TRDN: variants seen among roughly 807,000 people sequenced by gnomAD.
TRDN encodes the protein triadin, also known as triadin in skeletal muscle.
TRDN carries 161 observed loss-of-function variants against 149.7 expected under a neutral mutation model. That is an observed-to-expected ratio of 1.08 (90% CI 0.95 to 1.23). TRDN has a LOEUF of 1.23. Among genes scored for constraint, TRDN ranks in the 50% most tolerant of loss-of-function variants. The pLI, the probability that TRDN is intolerant of heterozygous loss-of-function variation, is 0.00. For synonymous variants in TRDN, 294 were observed against 250.5 expected (o/e 1.17, Z -1.64); for missense variants, 896 against 823.5 (o/e 1.09, Z -1.08).
At chr6:123,600,709 A>T (rs560427937) in intron 1 of TRDN, among the ~76,000 whole-genome samples, 12 of 152,218 alleles carry the variant, frequency 7.9e-5, no homozygotes, top group African/African-American at 2.6e-4. Context: ...CTGGTTATAC[A>T]GCAGTTGGAG....
rs142530803 is a variant in TRDN, at chr6:123,505,193, G to A, written c.611-1292C>T. On this transcript the variant is annotated intron_variant, in intron 7 of 40. Coordinates refer to ENST00000334268, the MANE Select transcript of TRDN (RefSeq NM_006073.4). ...AGGGAAGCGGAGGTTGCAGTGAGCC[G>A]AGATTGCGCCATTGCACCACAACTT... Among the ~76,000 whole-genome samples the A allele has an allele frequency of 9.5e-3, 1,302 of 136,596 alleles. 20 individuals are homozygous for A. The highest frequency in any genetic ancestry group is 0.034 in the African/African-American group (1,211 of 36,088). The allele number at this position is 136,596 out of a possible 152,430, so 89.6% of individuals were successfully genotyped here.
Position 123,216,624 on chromosome 6 carries a change from C to A in TRDN, c.*1977G>T, listed in dbSNP as rs1000096105. 7 of 151,736 alleles carry A rather than the reference C, an allele frequency of 4.6e-5. No homozygotes were observed. Among genetic ancestry groups the A allele is most frequent in the African/African-American group, 1.7e-4 (7 of 41,354 alleles). 9.4% of individuals were successfully genotyped at this position (151,736 alleles called of 1,614,324 possible). A position where few individuals can be genotyped will look rare whatever the true frequency, so the allele number is the denominator to read the frequency against. On this transcript the variant is annotated 3_prime_UTR_variant, in exon 41 of 41. Coordinates refer to ENST00000334268, the MANE Select transcript of TRDN (RefSeq NM_006073.4). ...TTACTTCAGAAATTTACTTTAATAT[C>A]ATATTTATATTAAAATATTTTATTT...
intron 1 of TRDN, among the ~76,000 whole-genome samples, chr6:123,589,764 T>C (rs1173404838): frequency 6.6e-6 from 1 of 152,170 alleles, no homozygotes; most frequent in African/African-American, 2.4e-5. Context: ...TATTCACTAG[T>C]AATGATAAAT....
intron 20 of TRDN, 70 bp downstream of exon 20, chr6:123,366,065 A>C: frequency 7.1e-7 from 1 of 1,399,056 alleles, no homozygotes; most frequent in Non-Finnish European, 1.0e-6. Context: ...AGCACAAAAC[A>C]ATACATTGTT....
At chr6:123,308,209 G>A (rs566476147) in intron 24 of TRDN, among the ~76,000 whole-genome samples, 1 of 152,008 alleles carries the variant, frequency 6.6e-6, no homozygotes, top group Non-Finnish European at 1.5e-5. Flanking sequence ...TTTTATGGCT[G>A]CATAGTATTC....
At chr6:123,420,501 A>G (rs796235564) in intron 12 of TRDN, among the ~76,000 whole-genome samples, 20 of 152,342 alleles carry the variant, frequency 1.3e-4, no homozygotes, top group African/African-American at 4.8e-4. Flanking sequence ...AATGTGTTTG[A>G]AAAGCTAATT....
At chr6:123,537,174 GC>G in intron 4 of TRDN, among the ~76,000 whole-genome samples, 1 of 152,170 alleles carries the variant, frequency 6.6e-6, no homozygotes, top group South Asian at 2.1e-4. Context: ...TTAAAACCGA[GC>G]TTAAAGGAAG....
At chr6:123,303,209 T>C (rs2114674340) in intron 24 of TRDN, among the ~76,000 whole-genome samples, 1 of 152,234 alleles carries the variant, frequency 6.6e-6, no homozygotes, top group African/African-American at 2.4e-5. Flanking sequence ...TTCATTGGCC[T>C]TTTACACACA....
At chr6:123,323,546 A>G (rs1779335638) in intron 23 of TRDN, among the ~76,000 whole-genome samples, 1 of 152,172 alleles carries the variant, frequency 6.6e-6, no homozygotes, top group Non-Finnish European at 1.5e-5. Flanking sequence ...CCAGTTTGTA[A>G]TGCAGGCGCT....
chr6:123,230,554 TAAA>T (rs1775562227), intron 38 of TRDN, among the ~76,000 whole-genome samples: 1 of 124,894 alleles, frequency 8.0e-6, no homozygotes, highest in South Asian at 2.5e-4. Flanking sequence ...ATAATAATAA[TAAA>T]AAGAAAAATG....
chr6:123,573,514 G>A (rs1306415516), intron 1 of TRDN, among the ~76,000 whole-genome samples: 4 of 152,034 alleles, frequency 2.6e-5, no homozygotes, highest in Admixed American at 6.6e-5. Flanking sequence ...AAAGGTGGAA[G>A]CACCAACTCT....
chr6:123,403,552 G>A (rs570833476), intron 12 of TRDN, among the ~76,000 whole-genome samples: 1 of 152,256 alleles, frequency 6.6e-6, no homozygotes, highest in South Asian at 2.1e-4. Flanking sequence ...AATTAGGGTA[G>A]CAAGATCCCA....
intron 38 of TRDN, among the ~76,000 whole-genome samples, 154 bp downstream of exon 38, chr6:123,252,258 A>C (rs994384615): frequency 6.6e-6 from 1 of 152,022 alleles, no homozygotes; most frequent in Non-Finnish European, 1.5e-5. Flanking sequence ...GTTTCAACGT[A>C]AGTAACAATA....
intron 1 of TRDN, among the ~76,000 whole-genome samples, chr6:123,586,257 G>A (rs904867581): frequency 7.2e-5 from 11 of 152,156 alleles, no homozygotes; most frequent in Admixed American, 2.0e-4. Context: ...AAGCCGGACC[G>A]GGTGTGAGGA....
chr6:123,306,180 C>T (rs1778603428), intron 24 of TRDN, among the ~76,000 whole-genome samples: 1 of 152,066 alleles, frequency 6.6e-6, no homozygotes, highest in African/African-American at 2.4e-5. Context: ...TGCCCAGGGA[C>T]AGATAAAATG....
At chr6:123,409,377 G>A (rs546470256) in intron 12 of TRDN, among the ~76,000 whole-genome samples, 3 of 152,260 alleles carry the variant, frequency 2.0e-5, no homozygotes, top group African/African-American at 7.2e-5. Flanking sequence ...CATAAATATT[G>A]CAGTCAGAAA....
intron 12 of TRDN, among the ~76,000 whole-genome samples, chr6:123,427,700 C>T (rs1774181587): frequency 6.6e-6 from 1 of 152,124 alleles, no homozygotes; most frequent in Non-Finnish European, 1.5e-5. Flanking sequence ...CTTTGATGTT[C>T]TCTGTTTCCT....
intron 39 of TRDN, 37 bp from the exon 40 acceptor site, chr6:123,221,559 C>G (rs920256011): frequency 1.4e-6 from 2 of 1,380,486 alleles, no homozygotes; most frequent in African/African-American, 1.5e-5. Flanking sequence ...ATAACTTGTA[C>G]ATTTACAACT....
chr6:123,296,152 A>T (rs1280520695), intron 24 of TRDN, among the ~76,000 whole-genome samples: 1 of 152,146 alleles, frequency 6.6e-6, no homozygotes, highest in Non-Finnish European at 1.5e-5. Flanking sequence ...AACTCGTGAT[A>T]GATTTTCTGC....
Sources: gnomAD v4.1 joint callset for allele counts (sites outside exome capture counted in the v4.1 genomes callset) on GRCh38, gnomAD v4.1.1 for gene constraint, MANE v1.5 for transcripts, NCBI Gene and HGNC (gene_info 2026-07-23, HGNC 2026-07-21) for gene names.